Variants in FOXN3 observed in about 807,000 individuals in gnomAD.
FOXN3 encodes the protein forkhead box protein N3.
In FOXN3, 7 loss-of-function variants were observed where a neutral mutation model predicts 38.4. The observed-to-expected ratio is 0.18, with a 90% CI of 0.10 to 0.34. The LOEUF is 0.34. Among genes scored for constraint, FOXN3 ranks in the 10% least tolerant of loss-of-function variants. The pLI, the probability that FOXN3 is intolerant of heterozygous loss-of-function variation, is 1.00. For missense variants in FOXN3, 456 were observed against 613.4 expected, an observed-to-expected ratio of 0.74 and a Z score of 2.71; for synonymous variants, 230 against 242.2, an observed-to-expected ratio of 0.95 and a Z score of 0.47.
chr14:89,462,584 G>C (rs1892869024), intron 1 of FOXN3, among the ~76,000 whole-genome samples: 1 of 152,140 alleles, frequency 6.6e-6, no homozygotes, highest in Non-Finnish European at 1.5e-5. Flanking sequence ...TCTTCCTGAT[G>C]GGGACTCTGT....
At chr14:89,304,437 G>A (rs1887315218) in intron 3 of FOXN3, among the ~76,000 whole-genome samples, 1 of 152,166 alleles carries the variant, frequency 6.6e-6, no homozygotes, top group Non-Finnish European at 1.5e-5. Flanking sequence ...TTCTGACTAT[G>A]GTGGAGGTGG....
At chr14:89,216,180 T>C (rs1011140126) in intron 4 of FOXN3, among the ~76,000 whole-genome samples, 13 of 152,062 alleles carry the variant, frequency 8.5e-5, no homozygotes, top group African/African-American at 2.9e-4. Context: ...CACACAGGTG[T>C]AGGGTAGGGG....
intron 1 of FOXN3, among the ~76,000 whole-genome samples, chr14:89,581,535 G>C (rs577744750): frequency 5.9e-5 from 9 of 151,908 alleles, no homozygotes; most frequent in African/African-American, 1.9e-4. Context: ...GTGGTTTAAA[G>C]TTCCCTGGGT....
intron 3 of FOXN3, among the ~76,000 whole-genome samples, chr14:89,330,857 G>T (rs1415390789): frequency 6.6e-6 from 1 of 152,156 alleles, no homozygotes; most frequent in African/African-American, 2.4e-5. Flanking sequence ...CGGTTCCATG[G>T]ATTCCTAAGG....
rs144483496 is a variant in FOXN3, at chr14:89,395,747, T to G, written c.543+16187A>C. 2.3e-3 allele frequency among the ~76,000 whole-genome samples: 345 copies of G among 152,262 alleles called. 3 individuals are homozygous for G. The highest frequency in any genetic ancestry group is 7.8e-3 in the African/African-American group (326 of 41,538). On this transcript the variant is annotated intron_variant, in intron 2 of 5. Transcript: ENST00000557258. Reference sequence around the variant, plus strand: ...AGTAGTGTAATTACCTTATTACTATTTATTAATATTAATATTATTATTTCT... The same window carrying G: ...AGTAGTGTAATTACCTTATTACTATGTATTAATATTAATATTATTATTTCT...
intron 1 of FOXN3, among the ~76,000 whole-genome samples, chr14:89,416,273 A>G (rs1215780312): frequency 6.6e-6 from 1 of 152,210 alleles, no homozygotes; most frequent in East Asian, 1.9e-4. Context: ...TTATCCCCAT[A>G]TACAGGGCAA....
Position 89,548,771 on chromosome 14 carries a change from T to C in FOXN3, c.-15+70257A>G, listed in dbSNP as rs1170263957. Among the ~76,000 whole-genome samples, 3 of 152,186 alleles carry C rather than the reference T, an allele frequency of 2.0e-5. No homozygotes were observed. Among genetic ancestry groups the C allele is most frequent in the Non-Finnish European group, 4.4e-5 (3 of 68,034 alleles). ...TTTTCAAATACCTGCTCACAGCCAA[T>C]ACTGGTCAGTGACAAAGTTTTCAAA... is the stretch of plus-strand genomic sequence containing the variant. On this transcript the variant is annotated intron_variant, in intron 1 of 6. Coordinates refer to the FOXN3 transcript ENST00000345097. The surrounding 1 kb of genome is among the most constrained non-coding windows in gnomAD (Gnocchi z 4.8).
chr14:89,522,987 TA>T, intron 1 of FOXN3, among the ~76,000 whole-genome samples: 1 of 150,894 alleles, frequency 6.6e-6, no homozygotes. Context: ...CACTTAAATA[TA>T]AAACCACAAC....
Position 89,321,280 on chromosome 14 carries a change from CA to C in FOXN3, c.680+29391del, listed in dbSNP as rs1167238354. ...CCCTCCAGCCTGGGCAAATCTGTCT[CA>C]AAAAATATATTAAAAAATAAAAAAA... On this transcript the variant is annotated intron_variant, in intron 3 of 5. Coordinates refer to ENST00000557258, the MANE Select transcript of FOXN3 (RefSeq NM_005197.4). 6.0e-5 allele frequency among the ~76,000 whole-genome samples: 9 copies of C among 150,496 alleles called. No homozygotes were observed. The East Asian group carries it at 9.9e-4, about 16-fold the overall frequency.
intron 1 of FOXN3, among the ~76,000 whole-genome samples, chr14:89,595,677 C>T (rs1896043371): frequency 1.3e-5 from 2 of 152,022 alleles, no homozygotes; most frequent in African/African-American, 4.8e-5. Flanking sequence ...ATCCTAATAC[C>T]TTCATTTCTC....
intron 4 of FOXN3, among the ~76,000 whole-genome samples, chr14:89,187,818 C>T (rs1887846905): frequency 6.6e-6 from 1 of 152,156 alleles, no homozygotes. Flanking sequence ...CATGCATCTT[C>T]ACTCCCTTGC....
chr14:89,593,653 T>G (rs1391355566), intron 1 of FOXN3, among the ~76,000 whole-genome samples: 1 of 152,222 alleles, frequency 6.6e-6, no homozygotes, highest in African/African-American at 2.4e-5. Context: ...TTAAATATAA[T>G]TTTTTAAATG....
intron 1 of FOXN3, among the ~76,000 whole-genome samples, chr14:89,605,324 A>C (rs556173496): frequency 2.0e-5 from 3 of 152,310 alleles, no homozygotes; most frequent in African/African-American, 7.2e-5. Flanking sequence ...ATAAGTATGC[A>C]TGTTAAAATT....
At chr14:89,205,594 C>T (rs571650287) in intron 4 of FOXN3, among the ~76,000 whole-genome samples, 24 of 152,316 alleles carry the variant, frequency 1.6e-4, no homozygotes, top group East Asian at 5.8e-4. Context: ...CGGGACGACG[C>T]GGAATTTGGC....
chr14:89,437,543 T>C (rs1208672643), intron 1 of FOXN3, among the ~76,000 whole-genome samples: 1 of 152,194 alleles, frequency 6.6e-6, no homozygotes, highest in Non-Finnish European at 1.5e-5. Flanking sequence ...TGAGACCTAC[T>C]GGGCTGCATT....
In FOXN3 at chr14:89,325,313, C is replaced by G. The variant is rs1333871319; in HGVS notation, c.680+25359G>C. ...ACCACCAACACCAACACCACCACCA[C>G]GACCACCACCACCACCACCACCACC... On this transcript the variant is annotated intron_variant, in intron 3 of 5. Transcript: ENST00000557258. Among the ~76,000 whole-genome samples, 4 of 126,128 alleles carry G rather than the reference C, an allele frequency of 3.2e-5. No individual in the cohort carries two copies. The East Asian group carries it at 9.2e-4, about 29-fold the overall frequency. 82.7% of individuals were successfully genotyped at this position (126,128 alleles called of 152,430 possible).
intron 1 of FOXN3, among the ~76,000 whole-genome samples, chr14:89,522,346 T>C (rs8010942): frequency 0.015 from 2,228 of 152,294 alleles, 52 homozygotes; most frequent in African/African-American, 0.051. Flanking sequence ...TCAGCAGACC[T>C]GCACTATAAG....
intron 1 of FOXN3, among the ~76,000 whole-genome samples, chr14:89,533,619 A>G (rs964090486): frequency 1.8e-4 from 24 of 134,440 alleles, no homozygotes; most frequent in African/African-American, 5.7e-4. Flanking sequence ...CGGAGATCGC[A>G]CCACTGCACT....
intron 4 of FOXN3, among the ~76,000 whole-genome samples, chr14:89,246,387 A>G (rs1157166249): frequency 1.3e-5 from 2 of 152,074 alleles, no homozygotes; most frequent in East Asian, 1.9e-4. Flanking sequence ...AGCCTAGGGT[A>G]GAGACCCCTC....
Sources: allele counts gnomAD v4.1 joint callset (sites outside exome capture counted in the v4.1 genomes callset), GRCh38; gene constraint gnomAD v4.1.1; non-coding constraint Gnocchi (gnomAD v3.1); transcripts MANE v1.5; gene names NCBI Gene and HGNC (gene_info 2026-07-23, HGNC 2026-07-21).